TRAF3: variants seen among roughly 807,000 people sequenced by gnomAD.
TRAF3 encodes TNF receptor-associated factor 3.
Under a neutral mutation model 62.3 loss-of-function variants are expected in TRAF3, and 13 were observed. The observed-to-expected ratio is 0.21, with a 90% CI of 0.14 to 0.33. TRAF3 has a LOEUF of 0.33. Ranked by LOEUF, TRAF3 falls within the 10% of genes least tolerant of loss-of-function variation. The pLI, the probability that TRAF3 is intolerant of heterozygous loss-of-function variation, is 1.00. For missense variants in TRAF3, 440 were observed against 741.8 expected, an observed-to-expected ratio of 0.59 and a Z score of 4.73; for synonymous variants, 269 against 283.4, an observed-to-expected ratio of 0.95 and a Z score of 0.51.
chr14:102,868,055 G>T (rs887375091), intron 2 of TRAF3, among the ~76,000 whole-genome samples: 1 of 152,162 alleles, frequency 6.6e-6, no homozygotes, highest in Non-Finnish European at 1.5e-5. Flanking sequence ...GGCTCCGCCC[G>T]CCCACCCAGC....
intron 1 of TRAF3, among the ~76,000 whole-genome samples, chr14:102,805,392 G>A (rs1898707229): frequency 6.6e-6 from 1 of 152,194 alleles, no homozygotes; most frequent in South Asian, 2.1e-4. Context: ...TTTCTGTGGA[G>A]AGCGATGTGC....
At chr14:102,849,939 C>T (rs920906128) in intron 2 of TRAF3, among the ~76,000 whole-genome samples, 4 of 152,202 alleles carry the variant, frequency 2.6e-5, no homozygotes, top group African/African-American at 7.2e-5. Context: ...CCATGTGTGT[C>T]GTGTTTTGTG....
At chr14:102,801,167 T>G (rs1595298384) in intron 1 of TRAF3, among the ~76,000 whole-genome samples, 1 of 152,104 alleles carries the variant, frequency 6.6e-6, no homozygotes, top group East Asian at 1.9e-4. Flanking sequence ...CTCCGTGTCT[T>G]CTCACTTTGT....
Position 102,880,159 on chromosome 14 carries a change from T to C in TRAF3, c.570+3634T>C, listed in dbSNP as rs548432407. On this transcript the variant is annotated intron_variant, in intron 6 of 11. Coordinates refer to ENST00000392745, the MANE Select transcript of TRAF3 (RefSeq NM_145725.3). ...GAACTGTGCCCTCCCCTTTGGAAAA[T>C]AGCAGTAGTGTTTTTTTGGAGTCAA... is the stretch of plus-strand genomic sequence containing the variant. 8.5e-5 allele frequency among the ~76,000 whole-genome samples: 13 copies of C among 152,148 alleles called. No individual in the cohort carries two copies. The South Asian group carries it at 2.7e-3, about 32-fold the overall frequency.
chr14:102,831,620 G>T (rs1003222636), intron 2 of TRAF3, among the ~76,000 whole-genome samples: 4 of 152,142 alleles, frequency 2.6e-5, no homozygotes, highest in East Asian at 1.9e-4. Context: ...CCTGCTGCCC[G>T]CTGCCCTTAT....
At chr14:102,883,617 A>T (rs1313597831) in intron 6 of TRAF3, among the ~76,000 whole-genome samples, 1 of 151,376 alleles carries the variant, frequency 6.6e-6, no homozygotes, top group Non-Finnish European at 1.5e-5. Flanking sequence ...GCAGTGTCTC[A>T]CTCTGCCGCC....
chr14:102,849,359 G>C (rs910840305), intron 2 of TRAF3, among the ~76,000 whole-genome samples: 1 of 152,234 alleles, frequency 6.6e-6, no homozygotes, highest in Non-Finnish European at 1.5e-5. Context: ...AGTGGACTGA[G>C]CCCTTGGCTC....
rs1053324373 is a variant in TRAF3 at position 102,903,466 on chromosome 14, T to G, written c.1135+37T>G. ...GCCGGGGCCGGGCCAGCAGTGTGCA[T>G]CTGGGCCCCGGGCGAGTGCTGGGGC... On this transcript the variant is annotated intron_variant, in intron 11 of 11. Coordinates refer to ENST00000392745, the MANE Select transcript of TRAF3 (RefSeq NM_145725.3). This position sits in a 1 kb window ranked among gnomAD's most constrained non-coding sequence, Gnocchi z 6.4. 5.0e-6 allele frequency: 8 copies of G among 1,612,560 alleles called. No homozygotes were observed. In the Middle Eastern group the frequency reaches 6.6e-4, roughly 133 times the overall value.
Position 102,870,319 on chromosome 14 carries a change from A to G in TRAF3, c.118A>G (p.Lys40Glu), listed in dbSNP as rs764715452. The G allele has an allele frequency of 6.8e-6, 11 of 1,614,062 alleles. No homozygotes were observed. The highest frequency in any genetic ancestry group is 4.0e-5 in the African/African-American group (3 of 74,932). Residue 40 changes from lysine to glutamate, a missense_variant, in exon 3 of 12, where the codon AAG becomes GAG. This residue lies in a region of TRAF3 where 255 missense variants were observed against 424.1 expected (regional missense o/e 0.60). Coordinates refer to ENST00000392745, the MANE Select transcript of TRAF3 (RefSeq NM_145725.3). ...TTTTGTCCCTGAACAAGGAGGTTAC[A>G]AGGAAAAGTTTGTGAAGACCGTGGA... ...PVFVPEQGGYKEKFVKTVEDK... is the reference protein window; with the variant it reads ...PVFVPEQGGYEEKFVKTVEDK...
intron 2 of TRAF3, among the ~76,000 whole-genome samples, chr14:102,867,249 GAGTA>G (rs1888054508): frequency 1.3e-5 from 2 of 152,224 alleles, no homozygotes; most frequent in Non-Finnish European, 2.9e-5. Flanking sequence ...ACGGGCAAGA[GAGTA>G]AATATCCTAG....
intron 1 of TRAF3, among the ~76,000 whole-genome samples, chr14:102,819,681 G>T (rs1049251101): frequency 6.6e-6 from 1 of 152,204 alleles, no homozygotes; most frequent in African/African-American, 2.4e-5. Flanking sequence ...AGGGCCAGAG[G>T]TGTTTGGGAA....
intron 2 of TRAF3, among the ~76,000 whole-genome samples, chr14:102,835,315 A>C (rs1393106376): frequency 6.7e-6 from 1 of 148,850 alleles, no homozygotes; most frequent in Non-Finnish European, 1.5e-5. Context: ...AGTGTAAACT[A>C]GTTCAACCAT....
chr14:102,834,492 A>C (rs1033348441), intron 2 of TRAF3, among the ~76,000 whole-genome samples: 2 of 151,772 alleles, frequency 1.3e-5, no homozygotes, highest in African/African-American at 4.8e-5. Context: ...AGGTCAGGAG[A>C]TCGAGACCAC....
At chr14:102,900,015 TA>T (rs1352947590) in intron 10 of TRAF3, among the ~76,000 whole-genome samples, 2 of 149,832 alleles carry the variant, frequency 1.3e-5, no homozygotes, top group African/African-American at 4.9e-5. Flanking sequence ...CCGTCTCTAC[TA>T]AAAATACAAA....
intron 1 of TRAF3, among the ~76,000 whole-genome samples, chr14:102,793,057 G>C (rs751419344): frequency 6.6e-6 from 1 of 152,056 alleles, no homozygotes; most frequent in South Asian, 2.1e-4. Context: ...TGATCCACCT[G>C]CCTTGGCCTC....
At chr14:102,837,927 T>C (rs1394888750) in intron 2 of TRAF3, among the ~76,000 whole-genome samples, 3 of 152,210 alleles carry the variant, frequency 2.0e-5, no homozygotes, top group Non-Finnish European at 2.9e-5. Context: ...AGTTGGAGCA[T>C]TGAATGATCT....
chr14:102,814,475 A>G (rs10083350), intron 1 of TRAF3, among the ~76,000 whole-genome samples: 2 of 152,082 alleles, frequency 1.3e-5, no homozygotes, highest in Non-Finnish European at 2.9e-5. Flanking sequence ...TCTGTGAACA[A>G]TGTCATTGGT....
At chr14:102,827,469 A>G (rs1225701875) in intron 1 of TRAF3, among the ~76,000 whole-genome samples, 1 of 152,238 alleles carries the variant, frequency 6.6e-6, no homozygotes, top group Non-Finnish European at 1.5e-5. Context: ...TACACCTTAT[A>G]CACATAGCCT....
At position 102,905,914 on chromosome 14, in the gene TRAF3, C is replaced by T. The variant is rs139584485; in HGVS notation, c.*130C>T. The T allele has an allele frequency of 1.1e-3, 913 of 843,478 alleles. 8 individuals are homozygous for T. In the African/African-American group the frequency reaches 0.013, roughly 12 times the overall value. The allele number at this position is 843,478 out of a possible 1,614,324, so 52.2% of individuals were successfully genotyped here. ...CGGAGGAAGCGGCAGAAGGCGGACG[C>T]GTGCCGGCGGGAGGAGCCACGCGTG... On this transcript the variant is annotated 3_prime_UTR_variant, in exon 12 of 12. Transcript: ENST00000392745.
Sources: gnomAD v4.1 joint callset for allele counts (sites outside exome capture counted in the v4.1 genomes callset) on GRCh38, gnomAD v4.1.1 for gene constraint, gnomAD v4.1.1 regional missense constraint, Gnocchi (gnomAD v3.1) non-coding constraint, MANE v1.5 for transcripts, NCBI Gene and HGNC (gene_info 2026-07-23, HGNC 2026-07-21) for gene names.